CEBPA: variants seen among roughly 807,000 people sequenced by gnomAD.
CEBPA encodes the protein CCAAT/enhancer-binding protein alpha.
In CEBPA, 2 loss-of-function variants were observed where a neutral mutation model predicts 5.1. The ratio of observed to expected loss-of-function variants is 0.39; its 90% CI spans 0.16 to 1.23. CEBPA has a LOEUF of 1.23. Ranked by LOEUF, CEBPA falls within the 50% of genes most tolerant of loss-of-function variation. CEBPA has a pLI of 0.34. For synonymous variants in CEBPA, 275 were observed against 264.1 expected (o/e 1.04, Z -0.40); for missense variants, 455 against 537.4 (o/e 0.85, Z 1.52).
In CEBPA at chr19:33,300,632, G is replaced by A; in HGVS notation, c.*706C>T. 1 of 233,630 alleles carries A rather than the reference G, an allele frequency of 4.3e-6. No individual in the cohort carries two copies. Among genetic ancestry groups the A allele is most frequent in the Non-Finnish European group, 8.5e-6 (1 of 118,160 alleles). 14.5% of individuals were successfully genotyped at this position (233,630 alleles called of 1,614,324 possible). On this transcript the variant is annotated 3_prime_UTR_variant, in exon 1 of 1. Coordinates refer to ENST00000498907, the MANE Select transcript of CEBPA (RefSeq NM_004364.5). Reference sequence around the variant, plus strand: ...GACCTAGCTTTCTGGTGTGACTCGGGGTGGGGGCTCCCACTGGTCACCTGG... The same window carrying A: ...GACCTAGCTTTCTGGTGTGACTCGGAGTGGGGGCTCCCACTGGTCACCTGG...
rs1215622854 is a variant in CEBPA at position 33,301,329 on chromosome 19, C to A, written c.*9G>T. The A allele has an allele frequency of 1.3e-6, 2 of 1,584,366 alleles. No individual in the cohort carries two copies. Among genetic ancestry groups the A allele is most frequent in the Non-Finnish European group, 1.7e-6 (2 of 1,171,294 alleles). ...AGGCTGGCCCAGGGCGGTCCCACAG[C>A]CGCGCGCCTCACGCGCAGTTGCCCA... On this transcript the variant is annotated 3_prime_UTR_variant, in exon 1 of 1. Transcript: ENST00000498907. This position sits in a 1 kb window ranked among gnomAD's most constrained non-coding sequence, Gnocchi z 6.0.
In CEBPA at chr19:33,302,509, C is replaced by T; in HGVS notation, c.-95G>A. 1 of 773,986 alleles carries T rather than the reference C, an allele frequency of 1.3e-6. No homozygotes were observed. The allele number at this position is 773,986 out of a possible 1,614,324, so 47.9% of individuals were successfully genotyped here. Reference sequence around the variant, plus strand: ...CCCACCCGGAGACCCTGCTCGCCCGCGCCCGCGCACCTCCGGGTCGCGAAT... The same window carrying T: ...CCCACCCGGAGACCCTGCTCGCCCGTGCCCGCGCACCTCCGGGTCGCGAAT... On this transcript the variant is annotated 5_prime_UTR_variant, in exon 1 of 1. Transcript: ENST00000498907.
chr19:33,301,865 G>T lies in CEBPA; in HGVS notation c.550C>A (p.Pro184Thr). 1 of 1,325,056 alleles carries T rather than the reference G, an allele frequency of 7.5e-7. No homozygotes were observed. The highest frequency in any genetic ancestry group is 9.7e-7 in the Non-Finnish European group (1 of 1,033,316). 82.1% of individuals were successfully genotyped at this position (1,325,056 alleles called of 1,614,324 possible). A position where few individuals can be genotyped will look rare whatever the true frequency, so the allele number is the denominator to read the frequency against. ...ALAGLFPYQP[P>T]PPPPPSHPHP... The stretch of plus-strand genomic sequence containing the variant: ...GGGTGCGAGGGCGGCGGCGGCGGCG[G>T]CGGCTGGTAAGGGAAGAGGCCGGCC... The change falls in exon 1 of 1, where the codon CCG becomes ACG. Residue 184 changes from proline to threonine, a missense_variant. Transcript: ENST00000498907. The surrounding 1 kb of genome is among the most constrained non-coding windows in gnomAD (Gnocchi z 6.0).
Position 33,302,425 on chromosome 19 carries a change from G to C in CEBPA, c.-11C>G, listed in dbSNP as rs1967206043. On this transcript the variant is annotated 5_prime_UTR_variant, in exon 1 of 1. Transcript: ENST00000498907. Reference sequence around the variant, plus strand: ...GTCGGCCGACTCCATGGGGGAGTTAGAGTTCTCCCGGCATGGCGAGCCTCG... The same window carrying C: ...GTCGGCCGACTCCATGGGGGAGTTACAGTTCTCCCGGCATGGCGAGCCTCG... The C allele has an allele frequency of 6.4e-6, 8 of 1,259,668 alleles. No individual in the cohort carries two copies. The highest frequency in any genetic ancestry group is 8.6e-5 in the Admixed American group (2 of 23,388). The allele number at this position is 1,259,668 out of a possible 1,614,324, so 78.0% of individuals were successfully genotyped here. A position where few individuals can be genotyped will look rare whatever the true frequency, so the allele number is the denominator to read the frequency against.
In CEBPA at chr19:33,300,009, A is replaced by T. The variant is rs1241258377; in HGVS notation, c.*1329T>A. 8.6e-6 allele frequency: 2 copies of T among 233,222 alleles called. No homozygotes were observed. Among genetic ancestry groups the T allele is most frequent in the Non-Finnish European group, 1.7e-5 (2 of 118,046 alleles). 14.4% of individuals were successfully genotyped at this position (233,222 alleles called of 1,614,324 possible). A position where few individuals can be genotyped will look rare whatever the true frequency, so the allele number is the denominator to read the frequency against. On this transcript the variant is annotated 3_prime_UTR_variant, in exon 1 of 1. Coordinates refer to ENST00000498907, the MANE Select transcript of CEBPA (RefSeq NM_004364.5). Reference sequence around the variant, plus strand: ...TGAGACTCTACGTTCTCCCCAAAAGAAGAGAACCAAGCCGTCCTTCCCTGC... The same window carrying T: ...TGAGACTCTACGTTCTCCCCAAAAGTAGAGAACCAAGCCGTCCTTCCCTGC...
rs1189516787 is a variant in CEBPA, at chr19:33,301,681, C to G, written c.734G>C (p.Gly245Ala). ...PHPAPALGAA[G>A]LPGPGSALKG... ...GAGCGCGCTGCCAGGGCCCGGCAGG[C>G]CGGCGGCACCGAGCGCGGGCGCGGG... The change falls in exon 1 of 1, where the codon GGC becomes GCC. Residue 245 changes from glycine (G) to alanine (A), a missense_variant. Physicochemically the swap from Gly to Ala is moderately conservative, Grantham distance 60. Transcript: ENST00000498907. The surrounding 1 kb of genome is among the most constrained non-coding windows in gnomAD (Gnocchi z 6.0). The G allele has an allele frequency of 8.3e-7, 1 of 1,198,356 alleles. No homozygotes were observed. The highest frequency in any genetic ancestry group is 1.0e-6 in the Non-Finnish European group (1 of 969,362). The allele number at this position is 1,198,356 out of a possible 1,614,324, so 74.2% of individuals were successfully genotyped here. A position where few individuals can be genotyped will look rare whatever the true frequency, so the allele number is the denominator to read the frequency against.
chr19:33,301,578 G>A lies in CEBPA; in HGVS notation c.837C>T (p.Asp279=), dbSNP rs1489721042. ...GCACCCGGTACTCGTTGCTGTTCTT[G>A]TCCACCGACTTCTTGGCCTTGCCCG... ...SGAGKAKKSV[D]KNSNEYRVRR... is the part of the protein sequence containing the mutation. Residue 279 remains aspartate, a synonymous_variant, in exon 1 of 1, where the codon GAC becomes GAT. Transcript: ENST00000498907. The surrounding 1 kb of genome is among the most constrained non-coding windows in gnomAD (Gnocchi z 6.0). 1.2e-6 allele frequency: 2 copies of A among 1,611,756 alleles called. No homozygotes were observed. The highest frequency in any genetic ancestry group is 3.3e-5 in the Admixed American group (2 of 59,940).
At position 33,301,024 on chromosome 19, in the gene CEBPA, T is replaced by C. The variant is rs774356825; in HGVS notation, c.*314A>G. ...ATTTGCTCCCCCTACTCAGTAGGCA[T>C]TGGAGCGGTGAGTTTGCATTTCCAA... On this transcript the variant is annotated 3_prime_UTR_variant, in exon 1 of 1. Coordinates refer to ENST00000498907, the MANE Select transcript of CEBPA (RefSeq NM_004364.5). The surrounding 1 kb of genome is among the most constrained non-coding windows in gnomAD (Gnocchi z 6.0). 3 of 478,828 alleles carry C rather than the reference T, an allele frequency of 6.3e-6. No individual in the cohort carries two copies. The highest frequency in any genetic ancestry group is 1.1e-5 in the Non-Finnish European group (3 of 263,120). 29.7% of individuals were successfully genotyped at this position (478,828 alleles called of 1,614,324 possible).
rs2145258335 is a variant in CEBPA, at chr19:33,301,398, C to G, written c.1017G>C (p.Arg339=). The G allele has an allele frequency of 6.2e-7, 1 of 1,610,276 alleles. No homozygotes were observed. Among genetic ancestry groups the G allele is most frequent in the Non-Finnish European group, 8.5e-7 (1 of 1,179,616 alleles). ...TCTCTGGCAGCTGGCGGAAGATGCC[C>G]CGCAGCGTGTCCAGTTCGCGGCTCA... ...EQLSRELDTL[R]GIFRQLPESS... is the part of the protein sequence containing the mutation. The change falls in exon 1 of 1, where the codon CGG becomes CGC. Residue 339 remains arginine, a synonymous_variant. Transcript: ENST00000498907. The surrounding 1 kb of genome is among the most constrained non-coding windows in gnomAD (Gnocchi z 6.0).
Position 33,302,340 on chromosome 19 carries a change from C to A in CEBPA, c.75G>T (p.Ala25=), listed in dbSNP as rs2145264677. Residue 25 remains alanine (A), a synonymous_variant, in exon 1 of 1, where the codon GCG becomes GCT. Coordinates refer to ENST00000498907, the MANE Select transcript of CEBPA (RefSeq NM_004364.5). ...GAAAGCCGAAGGCGGCGCTGCTGGGCGCGTGCGGGGGGCTCTGCAGGTGGC... is the reference window on the plus strand; with the variant it reads ...GAAAGCCGAAGGCGGCGCTGCTGGGAGCGTGCGGGGGGCTCTGCAGGTGGC... ...MSSHLQSPPH[A]PSSAAFGFPR... 1.5e-6 allele frequency: 2 copies of A among 1,353,824 alleles called. No individual in the cohort carries two copies. The highest frequency in any genetic ancestry group is 1.9e-6 in the Non-Finnish European group (2 of 1,053,304). 83.9% of individuals were successfully genotyped at this position (1,353,824 alleles called of 1,614,324 possible). A position where few individuals can be genotyped will look rare whatever the true frequency, so the allele number is the denominator to read the frequency against.
chr19:33,300,723 G>A lies in CEBPA; in HGVS notation c.*615C>T, dbSNP rs1470470253. ...AGCCTATAGCAGGCTGGGGTGGGGT[G>A]TGTGCGGAGGGAGGTGGGAGAGGCG... On this transcript the variant is annotated 3_prime_UTR_variant, in exon 1 of 1. Coordinates refer to ENST00000498907, the MANE Select transcript of CEBPA (RefSeq NM_004364.5). The A allele has an allele frequency of 8.5e-6, 2 of 234,044 alleles. No individual in the cohort carries two copies. Among genetic ancestry groups the A allele is most frequent in the Non-Finnish European group, 1.7e-5 (2 of 118,520 alleles). The allele number at this position is 234,044 out of a possible 1,614,324, so 14.5% of individuals were successfully genotyped here. A position where few individuals can be genotyped will look rare whatever the true frequency, so the allele number is the denominator to read the frequency against.
chr19:33,301,315 G>T lies in CEBPA; in HGVS notation c.*23C>A. On this transcript the variant is annotated 3_prime_UTR_variant, in exon 1 of 1. Coordinates refer to ENST00000498907, the MANE Select transcript of CEBPA (RefSeq NM_004364.5). The surrounding 1 kb of genome is among the most constrained non-coding windows in gnomAD (Gnocchi z 6.0). Reference sequence around the variant, plus strand: ...TGGGTCCCCGCCGGAGGCTGGCCCAGGGCGGTCCCACAGCCGCGCGCCTCA... The same window carrying T: ...TGGGTCCCCGCCGGAGGCTGGCCCATGGCGGTCCCACAGCCGCGCGCCTCA... 1 of 1,570,312 alleles carries T rather than the reference G, an allele frequency of 6.4e-7. No homozygotes were observed. The highest frequency in any genetic ancestry group is 8.6e-7 in the Non-Finnish European group (1 of 1,164,540).
At position 33,300,324 on chromosome 19, in the gene CEBPA, C is replaced by T. The variant is rs1967121493; in HGVS notation, c.*1014G>A. The T allele has an allele frequency of 4.3e-6, 1 of 233,670 alleles. No homozygotes were observed. The highest frequency in any genetic ancestry group is 8.5e-6 in the Non-Finnish European group (1 of 118,082). 14.5% of individuals were successfully genotyped at this position (233,670 alleles called of 1,614,324 possible). A position where few individuals can be genotyped will look rare whatever the true frequency, so the allele number is the denominator to read the frequency against. On this transcript the variant is annotated 3_prime_UTR_variant, in exon 1 of 1. Coordinates refer to ENST00000498907, the MANE Select transcript of CEBPA (RefSeq NM_004364.5). ...AAAACCAAATAAAATGGTGGTTTAG[C>T]AGAGACGCGCACATTCACATTGCAC...
rs780345232 is a variant in CEBPA, at chr19:33,302,101, T to TCGCCGC, written c.308_313dup (p.Gly103_Gly104dup). The TCGCCGC allele has an allele frequency of 7.7e-5, 102 of 1,322,286 alleles. No individual in the cohort carries two copies. The African/African-American group carries it at 1.4e-3, about 18-fold the overall frequency. The allele number at this position is 1,322,286 out of a possible 1,614,324, so 81.9% of individuals were successfully genotyped here. On this transcript the variant is annotated inframe_insertion, in exon 1 of 1. Transcript: ENST00000498907. ...CGCGGGCGCGCCCGGGTAGTCAAAG[T>TCGCCGC]CGCCGCCGCCGCCGCCGCCCGTGGG...
rs771453655 is a variant in CEBPA, at chr19:33,301,631, C to T, written c.784G>A (p.Asp262Asn). ...ALKGLGAAHP[D>N]LRASGGSGAG... ...CCGCTGCCGCCACTCGCGCGGAGGTCGGGGTGCGCGGCGCCCAGCCCCTTG... is the reference window on the plus strand; with the variant it reads ...CCGCTGCCGCCACTCGCGCGGAGGTTGGGGTGCGCGGCGCCCAGCCCCTTG... The change falls in exon 1 of 1, where the codon GAC (aspartate) becomes AAC (asparagine). Residue 262 changes from aspartate to asparagine, a missense_variant. Physicochemically the swap from Asp to Asn is conservative, Grantham distance 23 (BLOSUM62 1). This residue lies in a region of CEBPA where 118 missense variants were observed against 189.3 expected (regional missense o/e 0.62). Transcript: ENST00000498907. The surrounding 1 kb of genome is among the most constrained non-coding windows in gnomAD (Gnocchi z 6.0). 1.3e-6 allele frequency: 2 copies of T among 1,566,686 alleles called. No homozygotes were observed. The highest frequency in any genetic ancestry group is 1.4e-5 in the African/African-American group (1 of 73,602).
rs1184004794 is a variant in CEBPA, at chr19:33,301,749, G to C, written c.666C>G (p.Pro222=). Residue 222 remains proline (P), a synonymous_variant, in exon 1 of 1, where the codon CCC becomes CCG. Transcript: ENST00000498907. This position sits in a 1 kb window ranked among gnomAD's most constrained non-coding sequence, Gnocchi z 6.0. ...GCGTGGGCGGCGGCGTGGGGTGACC[G>C]GGCTGCAGGTGCATGGTGGTCTGGC... is the stretch of plus-strand genomic sequence containing the variant. ...HCGQTTMHLQ[P]GHPTPPPTPV... 2.6e-6 allele frequency: 3 copies of C among 1,167,300 alleles called. No homozygotes were observed. Among genetic ancestry groups the C allele is most frequent in the South Asian group, 4.0e-5 (1 of 25,316 alleles). The allele number at this position is 1,167,300 out of a possible 1,614,324, so 72.3% of individuals were successfully genotyped here. A position where few individuals can be genotyped will look rare whatever the true frequency, so the allele number is the denominator to read the frequency against.
chr19:33,302,372 TCGGGGGCCGCGGCTC>T lies in CEBPA; in HGVS notation c.28_42del (p.Glu10_Pro14del). 7.7e-7 allele frequency: 1 copy of T among 1,306,470 alleles called. No homozygotes were observed. The highest frequency in any genetic ancestry group is 9.7e-7 in the Non-Finnish European group (1 of 1,026,862). 80.9% of individuals were successfully genotyped at this position (1,306,470 alleles called of 1,614,324 possible). On this transcript the variant is annotated inframe_deletion, in exon 1 of 1. Coordinates refer to ENST00000498907, the MANE Select transcript of CEBPA (RefSeq NM_004364.5). ...GGGGGGCTCTGCAGGTGGCTGCTCA[TCGGGGGCCGCGGCTC>T]CGCCTCGTAGAAGTCGGCCGACTCC...
chr19:33,301,007 C>T lies in CEBPA; in HGVS notation c.*331G>A. 2 of 413,122 alleles carry T rather than the reference C, an allele frequency of 4.8e-6. No homozygotes were observed. The allele number at this position is 413,122 out of a possible 1,614,324, so 25.6% of individuals were successfully genotyped here. ...TAAAATGACAAGGCACGATTTGCTCCCCCTACTCAGTAGGCATTGGAGCGG... is the reference window on the plus strand; with the variant it reads ...TAAAATGACAAGGCACGATTTGCTCTCCCTACTCAGTAGGCATTGGAGCGG... On this transcript the variant is annotated 3_prime_UTR_variant, in exon 1 of 1. Coordinates refer to ENST00000498907, the MANE Select transcript of CEBPA (RefSeq NM_004364.5). This position sits in a 1 kb window ranked among gnomAD's most constrained non-coding sequence, Gnocchi z 6.0.
chr19:33,300,252 G>A lies in CEBPA; in HGVS notation c.*1086C>T, dbSNP rs113670631. 80 of 233,738 alleles carry A rather than the reference G, an allele frequency of 3.4e-4. No homozygotes were observed. The highest frequency in any genetic ancestry group is 1.7e-3 in the African/African-American group (76 of 45,462). 14.5% of individuals were successfully genotyped at this position (233,738 alleles called of 1,614,324 possible). A position where few individuals can be genotyped will look rare whatever the true frequency, so the allele number is the denominator to read the frequency against. ...TCAGACCCTTCCCCCAGCTGCCGAC[G>A]GAGAGTCTCATTTTGGCAAGTATCC... On this transcript the variant is annotated 3_prime_UTR_variant, in exon 1 of 1. Transcript: ENST00000498907.
Sources: allele counts gnomAD v4.1 joint callset, GRCh38; gene constraint gnomAD v4.1.1; regional missense constraint gnomAD v4.1.1; non-coding constraint Gnocchi (gnomAD v3.1); transcripts MANE v1.5; gene names NCBI Gene and HGNC (gene_info 2026-07-23, HGNC 2026-07-21).